The following DOCK2 variants were observed in gnomAD, a reference collection of about 807,000 sequenced individuals.
DOCK2 encodes the protein dedicator of cytokinesis 2.
A neutral mutation model predicts 248.9 loss-of-function variants in DOCK2; 87 were observed. The ratio of observed to expected loss-of-function variants is 0.35; its 90% CI spans 0.29 to 0.42. The LOEUF (loss-of-function observed/expected upper bound fraction) is 0.42, where lower values mean the gene tolerates loss of function less well. Ranked by LOEUF, DOCK2 falls within the 10% of genes least tolerant of loss-of-function variation. DOCK2 has a pLI of 1.00. For missense variants in DOCK2, 1,747 were observed against 2,300.2 expected (o/e 0.76, Z 4.92); for synonymous variants, 805 against 821.6 (o/e 0.98, Z 0.35).
At chr5:169,962,070 G>C (rs1156895371) in intron 27 of DOCK2, among the ~76,000 whole-genome samples, 1 of 151,888 alleles carries the variant, frequency 6.6e-6, no homozygotes, top group East Asian at 1.9e-4. Context: ...CAGTGTGTCT[G>C]AGCAGAGTGG....
At chr5:169,856,341 C>T (rs748701460) in intron 27 of DOCK2, among the ~76,000 whole-genome samples, 1 of 152,178 alleles carries the variant, frequency 6.6e-6, no homozygotes, top group Non-Finnish European at 1.5e-5. Context: ...GTCTGCACTG[C>T]ATTTTCCGCT....
chr5:169,970,758 T>C (rs1214419478), intron 27 of DOCK2, among the ~76,000 whole-genome samples: 3 of 152,228 alleles, frequency 2.0e-5, no homozygotes, highest in African/African-American at 4.8e-5. Flanking sequence ...AACTGTGACA[T>C]CTTTTTTCTT....
intron 44 of DOCK2, among the ~76,000 whole-genome samples, chr5:170,067,178 C>CCCAA (rs2113867539): frequency 6.6e-6 from 1 of 152,280 alleles, no homozygotes; most frequent in South Asian, 2.1e-4. Context: ...ATAGTATCTG[C>CCCAA]CCAACCAATA....
At chr5:170,025,284 T>C (rs1387382205) in intron 33 of DOCK2, among the ~76,000 whole-genome samples, 1 of 152,254 alleles carries the variant, frequency 6.6e-6, no homozygotes, top group Non-Finnish European at 1.5e-5. Flanking sequence ...CCTGCTTTTG[T>C]AAATAAACTT....
At chr5:169,643,319 C>T (rs1243299457) in intron 1 of DOCK2, among the ~76,000 whole-genome samples, 1 of 151,628 alleles carries the variant, frequency 6.6e-6, no homozygotes, top group African/African-American at 2.4e-5. Flanking sequence ...TTCCAGAGCC[C>T]TCTCCGTTCA....
chr5:170,060,834 A>G (rs1477391902), intron 44 of DOCK2, among the ~76,000 whole-genome samples: 1 of 152,168 alleles, frequency 6.6e-6, no homozygotes, highest in Non-Finnish European at 1.5e-5. Flanking sequence ...GTTCAAGACC[A>G]GCCTGACCAA....
At chr5:170,077,929 T>G in intron 48 of DOCK2, 92 bp downstream of exon 48, 4 of 1,036,242 alleles carry the variant, frequency 3.9e-6, no homozygotes, top group Non-Finnish European at 5.7e-6. Flanking sequence ...ACATCCCTTC[T>G]ACCTTTCCCT....
chr5:169,800,833 G>A (rs1328314267), intron 25 of DOCK2, among the ~76,000 whole-genome samples: 1 of 152,058 alleles, frequency 6.6e-6, no homozygotes, highest in Admixed American at 6.5e-5. Flanking sequence ...GGAGGGAGAG[G>A]GGACTCAGCA....
intron 29 of DOCK2, among the ~76,000 whole-genome samples, chr5:169,995,382 G>C (rs531597801): frequency 6.6e-6 from 1 of 152,276 alleles, no homozygotes; most frequent in African/African-American, 2.4e-5. Context: ...GGTATATATA[G>C]GAGGTATTTG....
intron 27 of DOCK2, among the ~76,000 whole-genome samples, chr5:169,879,969 A>C (rs1368544861): frequency 2.6e-5 from 4 of 152,226 alleles, no homozygotes; most frequent in Non-Finnish European, 4.4e-5. Context: ...AGTTCAAATT[A>C]ATTCTTCTTG....
chr5:169,812,375 C>T (rs1381095365), intron 26 of DOCK2, among the ~76,000 whole-genome samples: 1 of 152,218 alleles, frequency 6.6e-6, no homozygotes, highest in African/African-American at 2.4e-5. Context: ...TGCAGGAATA[C>T]AAGCTCAGGG....
In DOCK2 at chr5:170,056,685, T is replaced by C. The variant is rs760336830; in HGVS notation, c.4297T>C (p.Phe1433Leu). Residue 1433 changes from phenylalanine to leucine, a missense_variant and splice_region_variant, in exon 43 of 52, where the codon TTC (phenylalanine) becomes CTC (leucine). Phe to Leu is a conservative substitution (Grantham distance 22). Coordinates refer to ENST00000520908, the MANE Select transcript of DOCK2 (RefSeq NM_004946.3). ...CCTCAGCCTCTTCCTGTCTTTCAGC[T>C]TCTACAAATCCAACTACGTGCAAAG... ...NKPVPDQIIN[F>L]YKSNYVQRFH... 1.2e-6 allele frequency: 2 copies of C among 1,613,906 alleles called. No individual in the cohort carries two copies. The highest frequency in any genetic ancestry group is 1.3e-5 in the African/African-American group (1 of 74,906).
At chr5:169,858,382 C>G (rs1335042327) in intron 27 of DOCK2, among the ~76,000 whole-genome samples, 1 of 152,126 alleles carries the variant, frequency 6.6e-6, no homozygotes, top group African/African-American at 2.4e-5. Flanking sequence ...GAAACCCCAA[C>G]AGAGCTGCTG....
At chr5:170,041,215 GAAAAAAGAA>G (rs1181310809) in intron 37 of DOCK2, 70 bp downstream of exon 37, 31 of 1,353,698 alleles carry the variant, frequency 2.3e-5, no homozygotes, top group Non-Finnish European at 2.9e-5. Context: ...GTTGAAGAGT[GAAAAAAGAA>G]AAAAAAGAAA....
intron 25 of DOCK2, among the ~76,000 whole-genome samples, chr5:169,796,215 A>C (rs1766646197): frequency 6.6e-6 from 1 of 152,054 alleles, no homozygotes; most frequent in Non-Finnish European, 1.5e-5. Flanking sequence ...CGTGCACTAC[A>C]CTCCAGAATG....
chr5:169,791,166 A>G (rs1408235856), intron 25 of DOCK2, among the ~76,000 whole-genome samples: 1 of 151,848 alleles, frequency 6.6e-6, no homozygotes, highest in Admixed American at 6.6e-5. Context: ...CTAAGATCCT[A>G]CTGGATAACA....
chr5:169,747,333 GTA>G (rs1425244067), intron 22 of DOCK2, 61 bp from the exon 23 acceptor site: 1 of 1,470,292 alleles, frequency 6.8e-7, no homozygotes. Flanking sequence ...TTTGTGCCTA[GTA>G]CACACTTTTA....
rs556162952 is a variant in DOCK2, at chr5:169,857,637, G to C, written c.2799+16785G>C. Reference sequence around the variant, plus strand: ...ATTTCTATAAAGAGCTGAGACTAGGGCATGATGGTGAGAAGATGGAAAAAT... The same window carrying C: ...ATTTCTATAAAGAGCTGAGACTAGGCCATGATGGTGAGAAGATGGAAAAAT... On this transcript the variant is annotated intron_variant, in intron 27 of 51. Coordinates refer to ENST00000520908, the MANE Select transcript of DOCK2 (RefSeq NM_004946.3). 3.3e-5 allele frequency among the ~76,000 whole-genome samples: 5 copies of C among 152,036 alleles called. No individual in the cohort carries two copies. In the East Asian group the frequency reaches 9.7e-4, roughly 29 times the overall value.
rs70979150 is a variant in DOCK2 at position 169,961,978 on chromosome 5, C to CAAAAAAAAAAAAAAAAAAAAAAAA, written c.2800-21073_2800-21072insAAAAAAAAAAAAAAAAAAAAAAAA. On this transcript the variant is annotated intron_variant, in intron 27 of 51. Transcript: ENST00000520908. Reference sequence around the variant, plus strand: ...TGGGTGAAAAAGTGAGACTCTGTCCCAAAAAAAAAAAAAAAAATGGAGAAA... The same window carrying CAAAAAAAAAAAAAAAAAAAAAAAA: ...TGGGTGAAAAAGTGAGACTCTGTCCCAAAAAAAAAAAAAAAAAAAAAAAAAAAAAAAAAAAAAAAAATGGAGAAA... Among the ~76,000 whole-genome samples the CAAAAAAAAAAAAAAAAAAAAAAAA allele has an allele frequency of 2.9e-4, 22 of 74,624 alleles. 5 individuals are homozygous for CAAAAAAAAAAAAAAAAAAAAAAAA. Among genetic ancestry groups the CAAAAAAAAAAAAAAAAAAAAAAAA allele is most frequent in the African/African-American group, 6.8e-4 (10 of 14,774 alleles). The allele number at this position is 74,624 out of a possible 152,430, so 49.0% of individuals were successfully genotyped here.
Sources: gnomAD v4.1 joint callset for allele counts (sites outside exome capture counted in the v4.1 genomes callset) on GRCh38, gnomAD v4.1.1 for gene constraint, MANE v1.5 for transcripts, NCBI Gene and HGNC (gene_info 2026-07-23, HGNC 2026-07-21) for gene names.